PTPRD: variants seen among roughly 807,000 people sequenced by gnomAD.
PTPRD encodes the protein protein tyrosine phosphatase receptor type D.
A neutral mutation model predicts 214.5 loss-of-function variants in PTPRD; 34 were observed. The ratio of observed to expected loss-of-function variants is 0.16; its 90% CI spans 0.12 to 0.21. PTPRD has a LOEUF of 0.21. Ranked by LOEUF, PTPRD falls within the 10% of genes least tolerant of loss-of-function variation. The pLI is 1.00. For synonymous variants in PTPRD, 1,128 were observed against 845.7 expected (o/e 1.33, Z -5.79); for missense variants, 2,545 against 2,398.7 (o/e 1.06, Z -1.27).
At chr9:8,965,397 A>G (rs561001389) in intron 11 of PTPRD, among the ~76,000 whole-genome samples, 3 of 151,580 alleles carry the variant, frequency 2.0e-5, no homozygotes, top group Middle Eastern at 6.8e-3. Context: ...AAAAAAAAAA[A>G]ATTCTTAGTT....
intron 3 of PTPRD, among the ~76,000 whole-genome samples, chr9:10,164,453 T>C (rs184476840): frequency 2.0e-5 from 3 of 151,700 alleles, no homozygotes; most frequent in Admixed American, 1.3e-4. Flanking sequence ...TGTCTTTCCA[T>C]TGAGTTTGTT....
chr9:10,610,378 T>C (rs961983317), intron 2 of PTPRD, among the ~76,000 whole-genome samples: 1 of 152,160 alleles, frequency 6.6e-6, no homozygotes, highest in African/African-American at 2.4e-5. Context: ...TCAAAAAGAA[T>C]GCACAAATCT....
At chr9:9,852,317 A>G (rs2153667749) in intron 5 of PTPRD, among the ~76,000 whole-genome samples, 1 of 152,256 alleles carries the variant, frequency 6.6e-6, no homozygotes, top group Non-Finnish European at 1.5e-5. Context: ...CTGTAGGCCA[A>G]GACATTGAAA....
At chr9:10,091,502 C>T (rs1055086143) in intron 3 of PTPRD, among the ~76,000 whole-genome samples, 1 of 151,470 alleles carries the variant, frequency 6.6e-6, no homozygotes, top group Non-Finnish European at 1.5e-5. Context: ...ATAAATACTA[C>T]TTCCTAAAAT....
intron 5 of PTPRD, among the ~76,000 whole-genome samples, chr9:9,931,733 A>C (rs7044656): frequency 6.6e-6 from 1 of 151,570 alleles, no homozygotes; most frequent in African/African-American, 2.4e-5. Flanking sequence ...CCACAGCTCA[A>C]GGAGGCCTGC....
chr9:9,610,023 C>A (rs1022669645), intron 7 of PTPRD, among the ~76,000 whole-genome samples: 3 of 152,126 alleles, frequency 2.0e-5, no homozygotes, highest in Admixed American at 1.3e-4. Flanking sequence ...TTCTTTCCAG[C>A]CTTCTCCTCT....
At chr9:9,562,785 C>G (rs1487579904) in intron 8 of PTPRD, among the ~76,000 whole-genome samples, 1 of 151,932 alleles carries the variant, frequency 6.6e-6, no homozygotes, top group Non-Finnish European at 1.5e-5. Context: ...ATCTCCTTAT[C>G]CCCAAATCTC....
intron 7 of PTPRD, among the ~76,000 whole-genome samples, chr9:9,634,941 G>A (rs1460949926): frequency 6.6e-6 from 1 of 152,170 alleles, no homozygotes; most frequent in Non-Finnish European, 1.5e-5. Context: ...GTGTAAAGCT[G>A]TAGGAGGCAA....
At chr9:10,488,425 G>C (rs917655038) in intron 2 of PTPRD, among the ~76,000 whole-genome samples, 6 of 150,492 alleles carry the variant, frequency 4.0e-5, no homozygotes, top group Non-Finnish European at 7.4e-5. Context: ...ATAGCACTGT[G>C]TCTTGCCCAA....
intron 11 of PTPRD, among the ~76,000 whole-genome samples, chr9:8,987,460 GCATAAAGA>G (rs1218345234): frequency 3.9e-5 from 6 of 152,232 alleles, no homozygotes; most frequent in African/African-American, 1.4e-4. Context: ...TTTAGAACAG[GCATAAAGA>G]CAATAGGTGG....
chr9:8,671,561 T>G (rs1175892650), intron 12 of PTPRD, among the ~76,000 whole-genome samples: 3 of 152,042 alleles, frequency 2.0e-5, no homozygotes, highest in Non-Finnish European at 4.4e-5. Context: ...GAAAAAAAAG[T>G]CCACTTTTTA....
chr9:10,031,997 A>G (rs1391821967), intron 4 of PTPRD, among the ~76,000 whole-genome samples: 1 of 152,146 alleles, frequency 6.6e-6, no homozygotes, highest in Non-Finnish European at 1.5e-5. Context: ...TAGGCTGCCT[A>G]GTCTGGAATG....
intron 9 of PTPRD, among the ~76,000 whole-genome samples, chr9:9,289,082 C>A (rs530308035): frequency 1.3e-5 from 2 of 151,706 alleles, no homozygotes; most frequent in African/African-American, 4.8e-5. Flanking sequence ...ACAGTAGTTA[C>A]GTCATGGAAA....
intron 34 of PTPRD, among the ~76,000 whole-genome samples, chr9:8,439,673 A>G (rs1254581832): frequency 6.6e-6 from 1 of 152,238 alleles, no homozygotes. Context: ...TCAGAAAACA[A>G]TGACCAAGGA....
intron 2 of PTPRD, among the ~76,000 whole-genome samples, chr9:10,553,835 T>G (rs776906529): frequency 6.6e-6 from 1 of 152,246 alleles, no homozygotes; most frequent in Non-Finnish European, 1.5e-5. Context: ...AATTAATATA[T>G]GTTTTTACTC....
intron 8 of PTPRD, among the ~76,000 whole-genome samples, chr9:9,562,454 C>A (rs1321630624): frequency 1.3e-5 from 2 of 152,146 alleles, no homozygotes; most frequent in Non-Finnish European, 1.5e-5. Flanking sequence ...TAGTATCATC[C>A]TTCTGCTTAA....
intron 11 of PTPRD, among the ~76,000 whole-genome samples, chr9:8,813,060 T>C (rs1018647537): frequency 1.3e-5 from 2 of 152,150 alleles, no homozygotes; most frequent in East Asian, 1.9e-4. Flanking sequence ...AGCTATGAAA[T>C]GGCAGGAAGG....
At chr9:10,090,600 T>C (rs1365268794) in intron 3 of PTPRD, among the ~76,000 whole-genome samples, 2 of 138,882 alleles carry the variant, frequency 1.4e-5, no homozygotes, top group African/African-American at 5.6e-5. Flanking sequence ...AATACTCACT[T>C]GCAGCCCAAA....
chr9:9,388,850 T>A (rs879536188), intron 9 of PTPRD, among the ~76,000 whole-genome samples: 2 of 152,152 alleles, frequency 1.3e-5, no homozygotes, highest in African/African-American at 2.4e-5. Context: ...CTTTCTGAGA[T>A]AATGAGTATA....
Sources: gnomAD v4.1 joint callset for allele counts (sites outside exome capture counted in the v4.1 genomes callset) on GRCh38, gnomAD v4.1.1 for gene constraint, MANE v1.5 for transcripts, NCBI Gene and HGNC (gene_info 2026-07-23, HGNC 2026-07-21) for gene names.